The following TAF2 variants were observed in gnomAD, a reference collection of about 807,000 sequenced individuals.
The protein encoded by TAF2 is TATA-box binding protein associated factor 2, also known as transcription initiation factor TFIID subunit 2.
TAF2 carries 61 observed loss-of-function variants against 138.5 expected under a neutral mutation model. The observed-to-expected ratio is 0.44, with a 90% CI of 0.36 to 0.54. TAF2 has a LOEUF of 0.54. Among genes scored for constraint, TAF2 ranks in the 20% least tolerant of loss-of-function variants. The probability of loss-of-function intolerance (pLI) is 0.00; values close to 1 mark genes in which losing one functional copy is unlikely to be tolerated. For missense variants in TAF2, 1,090 were observed against 1,427.9 expected (o/e 0.76, Z 3.81); for synonymous variants, 475 against 469.9 (o/e 1.01, Z -0.14).
chr8:119,791,614 T>A, intron 10 of TAF2, 155 bp from the exon 11 acceptor site: 2 of 797,264 alleles, frequency 2.5e-6, no homozygotes, highest in East Asian at 2.8e-5. Flanking sequence ...TAAACTTAAC[T>A]AGAAGAAAAT....
chr8:119,732,288 G>C, intron 25 of TAF2, 102 bp from the exon 26 acceptor site: 1 of 1,068,524 alleles, frequency 9.4e-7, no homozygotes, highest in South Asian at 1.3e-5. Context: ...GGATTCCTAA[G>C]TTTTTATCAC....
At position 119,731,908 on chromosome 8, in the gene TAF2, T is replaced by A; in HGVS notation, c.*16A>T. 1.2e-6 allele frequency: 2 copies of A among 1,611,282 alleles called. No individual in the cohort carries two copies. Among genetic ancestry groups the A allele is most frequent in the Non-Finnish European group, 1.7e-6 (2 of 1,177,526 alleles). ...ATTCTTCTGGACATGAAAGGAAAGG[T>A]CTTTTTGTCCCCTTCTCAGTCTGAA... On this transcript the variant is annotated 3_prime_UTR_variant, in exon 26 of 26. Transcript: ENST00000378164.
intron 16 of TAF2, 70 bp from the exon 17 acceptor site, chr8:119,781,263 T>C (rs1198477006): frequency 6.4e-7 from 1 of 1,564,678 alleles, no homozygotes; most frequent in African/African-American, 1.4e-5. Flanking sequence ...AAACAGCTTC[T>C]TAAAAGTTAT....
intron 5 of TAF2, among the ~76,000 whole-genome samples, chr8:119,802,283 T>C (rs1824317933): frequency 6.6e-6 from 1 of 152,222 alleles, no homozygotes; most frequent in African/African-American, 2.4e-5. Context: ...AAGCAATTCT[T>C]AGCTTTCAGT....
At chr8:119,789,000 C>G (rs1823231262) in intron 12 of TAF2, 96 bp from the exon 13 acceptor site, 2 of 825,428 alleles carry the variant, frequency 2.4e-6, no homozygotes, top group African/African-American at 1.7e-5. Context: ...CAAGTGCATT[C>G]CCACCAGTTC....
chr8:119,767,203 G>C (rs946659760), intron 18 of TAF2: 1 of 152,142 alleles, frequency 6.6e-6, no homozygotes, highest in African/African-American at 2.4e-5. Context: ...CTGAGGTTCC[G>C]GTTCAAGATG....
chr8:119,796,161 T>C (rs947685543), intron 8 of TAF2, among the ~76,000 whole-genome samples: 1 of 151,860 alleles, frequency 6.6e-6, no homozygotes, highest in African/African-American at 2.4e-5. Context: ...CATCTATCCA[T>C]CTACCCACTC....
In TAF2 at chr8:119,832,227, C is replaced by A. The variant is rs565781574; in HGVS notation, c.83+255G>T. On this transcript the variant is annotated intron_variant, in intron 1 of 25. Transcript: ENST00000378164. ...TAATTTTTTAAAATCTAGCAACAGT[C>A]ACGAAAACAGATTTGACAGAAATAC... Among the ~76,000 whole-genome samples the A allele has an allele frequency of 1.8e-4, 27 of 150,924 alleles. No individual in the cohort carries two copies. In the South Asian group the frequency reaches 4.8e-3, roughly 27 times the overall value.
chr8:119,768,038 C>G (rs187460651), intron 18 of TAF2, among the ~76,000 whole-genome samples: 1 of 152,194 alleles, frequency 6.6e-6, no homozygotes, highest in Non-Finnish European at 1.5e-5. Flanking sequence ...AATCGGGCCA[C>G]GCATCCCACA....
In TAF2 at chr8:119,792,149, C is replaced by CT. The variant is rs905286521; in HGVS notation, c.1278-691dup. The stretch of plus-strand genomic sequence containing the variant: ...AATGCCTAGAAGAATTTCTTTCTTT[C>CT]TTTTTTTTTTTTTTTTTCTTTTGAG... On this transcript the variant is annotated intron_variant, in intron 10 of 25. Coordinates refer to ENST00000378164, the MANE Select transcript of TAF2 (RefSeq NM_003184.4). Among the ~76,000 whole-genome samples the CT allele has an allele frequency of 3.9e-3, 536 of 138,724 alleles. 2 individuals are homozygous for CT. The highest frequency in any genetic ancestry group is 4.8e-3 in the African/African-American group (179 of 37,114). The allele number at this position is 138,724 out of a possible 152,430, so 91.0% of individuals were successfully genotyped here.
At chr8:119,795,337 A>C (rs2131184100) in intron 9 of TAF2, among the ~76,000 whole-genome samples, 195 bp downstream of exon 9, 1 of 152,242 alleles carries the variant, frequency 6.6e-6, no homozygotes, top group Non-Finnish European at 1.5e-5. Flanking sequence ...TCCTTAGGGG[A>C]AAAAAAGGTT....
chr8:119,776,347 C>CTTTTTTTT (rs35600902), intron 18 of TAF2, among the ~76,000 whole-genome samples: 2 of 134,556 alleles, frequency 1.5e-5, no homozygotes, highest in African/African-American at 2.8e-5. Context: ...CATGCCTGTG[C>CTTTTTTTT]TTTTTTTTTT....
At chr8:119,745,740 T>G (rs1008707551) in intron 23 of TAF2, among the ~76,000 whole-genome samples, 1 of 152,070 alleles carries the variant, frequency 6.6e-6, no homozygotes, top group Admixed American at 6.6e-5. Context: ...CTACAAAATG[T>G]CTGGTAATTT....
At position 119,806,474 on chromosome 8, in the gene TAF2, T is replaced by C. The variant is rs1327502867; in HGVS notation, c.300-73A>G. On this transcript the variant is annotated intron_variant, in intron 3 of 25. Coordinates refer to ENST00000378164, the MANE Select transcript of TAF2 (RefSeq NM_003184.4). Reference sequence around the variant, plus strand: ...CCAAGCATTTTTCTTTCTTTCTTTTTTTTTTTTTTTTTTTAGATGAAGTCT... The same window carrying C: ...CCAAGCATTTTTCTTTCTTTCTTTTCTTTTTTTTTTTTTTAGATGAAGTCT... 4.0e-3 allele frequency: 2,984 copies of C among 737,390 alleles called. 2 individuals are homozygous for C. The highest frequency in any genetic ancestry group is 6.1e-3 in the Middle Eastern group (15 of 2,452). The allele number at this position is 737,390 out of a possible 1,614,324, so 45.7% of individuals were successfully genotyped here.
In TAF2 at chr8:119,745,978, C is replaced by CTAGGTATTACACAGAGCAACAATTT. The variant is rs1344082496; in HGVS notation, c.3108+702_3108+726dup. ...CATTTATCATATGTTTAGAACTGTG[C>CTAGGTATTACACAGAGCAACAATTT]TAGGTATTACACAGAGCAACAATTT... On this transcript the variant is annotated intron_variant, in intron 23 of 25. Coordinates refer to ENST00000378164, the MANE Select transcript of TAF2 (RefSeq NM_003184.4). Among the ~76,000 whole-genome samples the CTAGGTATTACACAGAGCAACAATTT allele has an allele frequency of 5.9e-5, 9 of 152,230 alleles. No homozygotes were observed. In the East Asian group the frequency reaches 1.7e-3, roughly 29 times the overall value.
intron 2 of TAF2, among the ~76,000 whole-genome samples, chr8:119,825,548 C>T (rs1228209618): frequency 6.6e-6 from 1 of 152,142 alleles, no homozygotes; most frequent in East Asian, 1.9e-4. Context: ...TACAATTTGG[C>T]TGTGTCCCCA....
intron 2 of TAF2, among the ~76,000 whole-genome samples, chr8:119,831,017 C>T (rs1465880583): frequency 6.6e-6 from 1 of 152,026 alleles, no homozygotes; most frequent in Non-Finnish European, 1.5e-5. Flanking sequence ...TGAGGTAGGA[C>T]AACTGCTTGA....
At position 119,762,489 on chromosome 8, in the gene TAF2, G is replaced by A. The variant is rs1821134095; in HGVS notation, c.2484C>T (p.Leu828=). The A allele has an allele frequency of 6.2e-6, 10 of 1,613,994 alleles. No individual in the cohort carries two copies. The highest frequency in any genetic ancestry group is 1.7e-4 in the Middle Eastern group (1 of 6,058). The change falls in exon 19 of 26, where the codon CTC becomes CTT. Residue 828 remains leucine, a synonymous_variant. Transcript: ENST00000378164. The part of the protein sequence containing the change: ...TLDNLNPDVR[L]ILEEITRFLN... ...AAAATCTGGTGATTTCTTCAAGAAT[G>A]AGTCGCACATCAGGATTTAAGTTAT...
chr8:119,828,495 C>T (rs902632257), intron 2 of TAF2, among the ~76,000 whole-genome samples: 2 of 152,124 alleles, frequency 1.3e-5, no homozygotes, highest in African/African-American at 4.8e-5. Context: ...CCCTAACAGT[C>T]CTAGGCAACA....
Sources: allele counts gnomAD v4.1 joint callset (sites outside exome capture counted in the v4.1 genomes callset), GRCh38; gene constraint gnomAD v4.1.1; transcripts MANE v1.5; gene names NCBI Gene and HGNC (gene_info 2026-07-23, HGNC 2026-07-21).